Variants in CNTN5 observed in about 807,000 individuals in gnomAD.
The protein encoded by CNTN5 is contactin-5.
CNTN5 carries 77 observed loss-of-function variants against 129.1 expected under a neutral mutation model. The observed-to-expected ratio is 0.60, with a 90% confidence interval of 0.50 to 0.72. The LOEUF is 0.72. Ranked by LOEUF, CNTN5 falls within the 30% of genes least tolerant of loss-of-function variation. The pLI, the probability that CNTN5 is intolerant of heterozygous loss-of-function variation, is 0.00. For missense variants in CNTN5, 1,478 were observed against 1,328.8 expected (o/e 1.11, Z -1.75); for synonymous variants, 509 against 465.6 (o/e 1.09, Z -1.20).
intron 3 of CNTN5, among the ~76,000 whole-genome samples, chr11:99,561,122 T>C (rs1027274605): frequency 8.5e-5 from 13 of 152,122 alleles, no homozygotes; most frequent in Middle Eastern, 3.2e-3. Flanking sequence ...CCAAGAAATA[T>C]ATAAATCATT....
chr11:99,127,881 C>T (rs1940509), intron 1 of CNTN5, among the ~76,000 whole-genome samples: 37,161 of 152,056 alleles, frequency 0.24, 4,919 homozygotes, highest in Middle Eastern at 0.3. Flanking sequence ...TCAATAATTT[C>T]ATTCTTATTT....
At chr11:100,019,887 A>T (rs1309389957) in intron 9 of CNTN5, among the ~76,000 whole-genome samples, 1 of 152,006 alleles carries the variant, frequency 6.6e-6, no homozygotes, top group Non-Finnish European at 1.5e-5. Context: ...ATTCTAAGAC[A>T]TGTGAGGTGA....
intron 13 of CNTN5, among the ~76,000 whole-genome samples, chr11:100,092,809 C>A (rs967463200): frequency 1.3e-5 from 2 of 151,984 alleles, no homozygotes; most frequent in African/African-American, 4.8e-5. Context: ...ATGCTTGCAC[C>A]TGTGCACCTG....
intron 1 of CNTN5, among the ~76,000 whole-genome samples, chr11:99,081,514 A>G (rs1865796037): frequency 6.6e-6 from 1 of 152,200 alleles, no homozygotes; most frequent in South Asian, 2.1e-4. Flanking sequence ...TCACAAATGC[A>G]TTTCTCAGAA....
At chr11:99,895,196 C>T (rs914172857) in intron 6 of CNTN5, among the ~76,000 whole-genome samples, 4 of 152,170 alleles carry the variant, frequency 2.6e-5, no homozygotes, top group African/African-American at 7.2e-5. Context: ...CAAGAGGGGA[C>T]AATGTCTCAC....
intron 2 of CNTN5, among the ~76,000 whole-genome samples, chr11:99,382,875 T>TTTA (rs1491151565): frequency 1.4e-5 from 2 of 142,464 alleles, no homozygotes; most frequent in African/African-American, 2.6e-5. Context: ...TTTTTTTTTT[T>TTTA]AGACAGAGTC....
chr11:100,036,837 G>A (rs1267389103), intron 9 of CNTN5, among the ~76,000 whole-genome samples: 4 of 147,590 alleles, frequency 2.7e-5, no homozygotes, highest in Admixed American at 1.4e-4. Context: ...AGACTTTGCT[G>A]AAGTTGCTTA....
chr11:99,285,479 A>C (rs1466684136), intron 1 of CNTN5, among the ~76,000 whole-genome samples: 1 of 152,136 alleles, frequency 6.6e-6, no homozygotes, highest in Non-Finnish European at 1.5e-5. Flanking sequence ...TTTGATGTCT[A>C]CTAAAGTAGG....
intron 2 of CNTN5, among the ~76,000 whole-genome samples, chr11:99,417,997 T>G (rs1370824810): frequency 2.0e-5 from 3 of 152,116 alleles, no homozygotes; most frequent in Admixed American, 2.0e-4. Context: ...CTTTTCAGAT[T>G]TATGAATATA....
chr11:100,123,475 T>C (rs1161912394), intron 13 of CNTN5, among the ~76,000 whole-genome samples: 2 of 152,040 alleles, frequency 1.3e-5, no homozygotes, highest in Admixed American at 1.3e-4. Flanking sequence ...TTAAACCTTT[T>C]GATGTCATTT....
At chr11:99,573,548 CGACA>C (rs1949247154) in intron 3 of CNTN5, among the ~76,000 whole-genome samples, 2 of 150,638 alleles carry the variant, frequency 1.3e-5, no homozygotes, top group Admixed American at 6.6e-5. Context: ...CCAGCCTGGG[CGACA>C]GACAGAGTGA....
chr11:99,822,514 G>A (rs1327656282), intron 4 of CNTN5, among the ~76,000 whole-genome samples: 2 of 152,006 alleles, frequency 1.3e-5, no homozygotes, highest in Admixed American at 1.3e-4. Context: ...GTAAAACAAT[G>A]GAAAAATATA....
At chr11:99,981,439 T>C (rs1387175119) in intron 8 of CNTN5, among the ~76,000 whole-genome samples, 1 of 152,120 alleles carries the variant, frequency 6.6e-6, no homozygotes, top group Non-Finnish European at 1.5e-5. Context: ...GTTATTGTTC[T>C]GTCTGAGTCC....
intron 3 of CNTN5, among the ~76,000 whole-genome samples, chr11:99,700,301 A>G (rs573739140): frequency 1.3e-4 from 20 of 151,554 alleles, no homozygotes; most frequent in African/African-American, 4.8e-4. Context: ...TGATTCTATG[A>G]TCACACAACT....
At chr11:100,077,002 T>C (rs1944157570) in intron 13 of CNTN5, among the ~76,000 whole-genome samples, 1 of 152,148 alleles carries the variant, frequency 6.6e-6, no homozygotes, top group African/African-American at 2.4e-5. Context: ...AGACACATAG[T>C]TGAAAAATTG....
chr11:99,765,600 G>A (rs533320057), intron 3 of CNTN5, among the ~76,000 whole-genome samples: 52 of 150,170 alleles, frequency 3.5e-4, no homozygotes, highest in African/African-American at 1.1e-3. Context: ...TATTTTATTG[G>A]GGTCATTGAG....
At chr11:99,150,709 AAAT>A (rs768976099) in intron 1 of CNTN5, among the ~76,000 whole-genome samples, 161 of 152,174 alleles carry the variant, frequency 1.1e-3, no homozygotes, top group Non-Finnish European at 1.7e-3. Context: ...GTTGTGAAAA[AAAT>A]AGCAGTCGTA....
At position 99,683,638 on chromosome 11, in the gene CNTN5, G is replaced by A. The variant is rs527606657; in HGVS notation, c.55+127369G>A. The stretch of plus-strand genomic sequence containing the variant: ...GGTAATTTGCATTTTCATAAAAATT[G>A]TAAAAGTTTGCCAGTTTTCACACAC... On this transcript the variant is annotated intron_variant, in intron 3 of 24. Coordinates refer to ENST00000524871, the MANE Select transcript of CNTN5 (RefSeq NM_014361.4). Among the ~76,000 whole-genome samples the A allele has an allele frequency of 2.6e-5, 4 of 151,822 alleles. No homozygotes were observed. In the East Asian group the frequency reaches 7.7e-4, roughly 29 times the overall value.
chr11:99,836,560 G>T (rs1206635560), intron 4 of CNTN5, among the ~76,000 whole-genome samples: 1 of 152,006 alleles, frequency 6.6e-6, no homozygotes, highest in Non-Finnish European at 1.5e-5. Flanking sequence ...CATTTGGGTT[G>T]GTTCCAAGTC....
Sources: allele counts gnomAD v4.1 joint callset (sites outside exome capture counted in the v4.1 genomes callset), GRCh38; gene constraint gnomAD v4.1.1; transcripts MANE v1.5; gene names NCBI Gene and HGNC (gene_info 2026-07-23, HGNC 2026-07-21).